Variants in SMARCA2 observed in about 807,000 individuals in gnomAD.
SMARCA2 encodes SWI/SNF-related matrix-associated actin-dependent regulator of chromatin subfamily A member 2.
SMARCA2 carries 61 observed loss-of-function variants against 199.8 expected under a neutral mutation model. The ratio of observed to expected loss-of-function variants is 0.31; its 90% CI spans 0.25 to 0.38. The LOEUF is 0.38. Among genes scored for constraint, SMARCA2 ranks in the 10% least tolerant of loss-of-function variants. The pLI is 1.00. For missense variants in SMARCA2, 1,344 were observed against 2,012.2 expected, an observed-to-expected ratio of 0.67 and a Z score of 6.35; for synonymous variants, 935 against 732.0, an observed-to-expected ratio of 1.28 and a Z score of -4.48.
intron 28 of SMARCA2, among the ~76,000 whole-genome samples, chr9:2,165,363 G>T (rs890554609): frequency 5.9e-5 from 9 of 152,168 alleles, no homozygotes; most frequent in African/African-American, 2.2e-4. Flanking sequence ...GATCATTTAT[G>T]TGTGTGTTCG....
At position 2,119,247 on chromosome 9, in the gene SMARCA2, C is replaced by G. The variant is rs10964839; in HGVS notation, c.3685-211C>G. On this transcript the variant is annotated intron_variant, in intron 25 of 33. Coordinates refer to ENST00000349721, the MANE Select transcript of SMARCA2 (RefSeq NM_003070.5). The surrounding 1 kb of genome is among the most constrained non-coding windows in gnomAD (Gnocchi z 4.6). ...GAGAACTCATATTTCTTATAGTGGA[C>G]CACAGTTTCCTCCCTGAACGGATTT... 1.3e-5 allele frequency among the ~76,000 whole-genome samples: 2 copies of G among 152,168 alleles called. No homozygotes were observed. Among genetic ancestry groups the G allele is most frequent in the Admixed American group, 1.3e-4 (2 of 15,280 alleles).
rs761763573 is a variant in SMARCA2, at chr9:2,191,429, C to G, written c.4737+21C>G. On this transcript the variant is annotated intron_variant, in intron 33 of 33. Coordinates refer to ENST00000349721, the MANE Select transcript of SMARCA2 (RefSeq NM_003070.5). ...AACGTGTAAGTGTAGCCGACTGGGA[C>G]TGAAGGCGGAGACGCCCTCTCCCCT... is the stretch of plus-strand genomic sequence containing the variant. 1.2e-5 allele frequency: 20 copies of G among 1,613,222 alleles called. No homozygotes were observed. The South Asian group carries it at 1.8e-4, about 14-fold the overall frequency.
At chr9:2,178,104 A>T (rs910723079) in intron 29 of SMARCA2, among the ~76,000 whole-genome samples, 1 of 152,124 alleles carries the variant, frequency 6.6e-6, no homozygotes, top group South Asian at 2.1e-4. Context: ...AAGGAGTTCA[A>T]ACTACCACTT....
At chr9:2,190,495 C>T (rs555884452) in intron 32 of SMARCA2, among the ~76,000 whole-genome samples, 13 of 152,092 alleles carry the variant, frequency 8.5e-5, no homozygotes, top group Non-Finnish European at 1.8e-4. Context: ...GAGTAAACAG[C>T]CAAGTGGAGA....
intron 7 of SMARCA2, among the ~76,000 whole-genome samples, chr9:2,057,320 C>T (rs923648226): frequency 1.3e-5 from 2 of 152,182 alleles, no homozygotes; most frequent in African/African-American, 4.8e-5. Context: ...TTTATAAGGG[C>T]ACTAATCCCA....
intron 15 of SMARCA2, among the ~76,000 whole-genome samples, chr9:2,082,314 T>G (rs1224213756): frequency 1.5e-5 from 2 of 130,244 alleles, no homozygotes; most frequent in Non-Finnish European, 1.6e-5. Context: ...AAGGTGTGTG[T>G]GTGTGTGTGT....
At chr9:2,070,283 A>C (rs576050353) in intron 9 of SMARCA2, 135 bp from the exon 10 acceptor site, 2 of 736,534 alleles carry the variant, frequency 2.7e-6, no homozygotes, top group South Asian at 3.0e-5. Flanking sequence ...ATGAACATAA[A>C]AGGCATTAAC....
intron 4 of SMARCA2, chr9:2,041,818 G>GAGCCAGAT (rs1819617886): frequency 6.3e-6 from 1 of 157,728 alleles, no homozygotes; most frequent in Non-Finnish European, 1.4e-5. Context: ...TCCAGCTCTT[G>GAGCCAGAT]AGAATGCAGC....
At chr9:2,089,682 G>A (rs1486638569) in intron 19 of SMARCA2, among the ~76,000 whole-genome samples, 2 of 152,164 alleles carry the variant, frequency 1.3e-5, no homozygotes, top group African/African-American at 2.4e-5. Context: ...CATCTTGGAC[G>A]TAGAATGCTA....
intron 9 of SMARCA2, among the ~76,000 whole-genome samples, chr9:2,069,942 T>TC (rs1261197578): frequency 1.3e-5 from 2 of 152,126 alleles, no homozygotes; most frequent in African/African-American, 4.8e-5. Context: ...ACTCCCTCCT[T>TC]CCCCCCCAGT....
At position 2,115,754 on chromosome 9, in the gene SMARCA2, G is replaced by A. The variant is rs1420759148; in HGVS notation, c.3457-68G>A. On this transcript the variant is annotated intron_variant, in intron 24 of 33. Transcript: ENST00000349721. This position sits in a 1 kb window ranked among gnomAD's most constrained non-coding sequence, Gnocchi z 6.0. ...GAACCCTTCCATATTTCCCTCTGGG[G>A]TGGGGTCCGGTTTTGGATGCCTATG... The A allele has an allele frequency of 4.0e-6, 5 of 1,244,326 alleles. No individual in the cohort carries two copies. Among genetic ancestry groups the A allele is most frequent in the Non-Finnish European group, 4.6e-6 (4 of 862,244 alleles). The allele number at this position is 1,244,326 out of a possible 1,614,324, so 77.1% of individuals were successfully genotyped here. A position where few individuals can be genotyped will look rare whatever the true frequency, so the allele number is the denominator to read the frequency against.
chr9:2,073,573 G>A lies in SMARCA2; in HGVS notation c.1885G>A (p.Val629Ile). ...CTCACTCTTTTTCCTTAGTTATGAA[G>A]TTGCCCCTAGATCTGACAGTGAAGA... is the stretch of plus-strand genomic sequence containing the variant. ...AWLEMNPGYE[V>I]APRSDSEESD... The change falls in exon 12 of 34, where the codon GTT becomes ATT. Residue 629 changes from valine to isoleucine, a missense_variant. Physicochemically the swap from Val to Ile is conservative, Grantham distance 29. Around this residue, in one of 18 missense-constraint regions of SMARCA2, gnomAD observed 106 missense variants for 179.7 expected, o/e 0.59. Coordinates refer to ENST00000349721, the MANE Select transcript of SMARCA2 (RefSeq NM_003070.5). 6.2e-7 allele frequency: 1 copy of A among 1,611,992 alleles called. No individual in the cohort carries two copies. The highest frequency in any genetic ancestry group is 2.2e-5 in the East Asian group (1 of 44,868).
intron 24 of SMARCA2, among the ~76,000 whole-genome samples, chr9:2,113,328 T>C (rs1257450004): frequency 2.0e-5 from 3 of 152,136 alleles, no homozygotes; most frequent in African/African-American, 4.8e-5. Flanking sequence ...CATGGGTTGG[T>C]ACTCGTGTTT....
At chr9:2,034,442 G>T (rs748545875) in intron 3 of SMARCA2, among the ~76,000 whole-genome samples, 7 of 151,976 alleles carry the variant, frequency 4.6e-5, no homozygotes, top group Non-Finnish European at 1.0e-4. Context: ...AACTATTCAC[G>T]TACCTCAAAG....
At chr9:2,100,569 G>C (rs1822466116) in intron 21 of SMARCA2, among the ~76,000 whole-genome samples, 1 of 152,046 alleles carries the variant, frequency 6.6e-6, no homozygotes, top group Non-Finnish European at 1.5e-5. Flanking sequence ...CAGGCATAGT[G>C]GCACATGCTG....
At chr9:2,178,281 C>G (rs985158589) in intron 29 of SMARCA2, among the ~76,000 whole-genome samples, 1 of 152,144 alleles carries the variant, frequency 6.6e-6, no homozygotes, top group African/African-American at 2.4e-5. Context: ...ACCCCTCCCC[C>G]ACTTACCCCA....
At chr9:2,038,794 A>T (rs759579495) in intron 3 of SMARCA2, among the ~76,000 whole-genome samples, 1 of 152,300 alleles carries the variant, frequency 6.6e-6, no homozygotes, top group East Asian at 1.9e-4. Context: ...GGAGAACCCA[A>T]CTGTGACAGT....
rs996908009 is a variant in SMARCA2, at chr9:2,160,010, C to G, written c.3982-1676C>G. 8.1e-6 allele frequency: 12 copies of G among 1,483,252 alleles called. No homozygotes were observed. In the African/African-American group the frequency reaches 1.4e-4, roughly 17 times the overall value. 91.9% of individuals were successfully genotyped at this position (1,483,252 alleles called of 1,614,324 possible). A position where few individuals can be genotyped will look rare whatever the true frequency, so the allele number is the denominator to read the frequency against. ...TCAAAAGCCGGTGTTCTCCGTATTT[C>G]TGTGTGCAACTGGGTGCTTGAGGAG... On this transcript the variant is annotated intron_variant, in intron 27 of 33. Transcript: ENST00000349721.
intron 10 of SMARCA2, chr9:2,072,029 C>A (rs917907998): frequency 6.6e-6 from 1 of 152,092 alleles, no homozygotes; most frequent in Admixed American, 6.5e-5. Flanking sequence ...CTTGTGCTGA[C>A]AGTGCTTTGT....
Sources: gnomAD v4.1 joint callset for allele counts (sites outside exome capture counted in the v4.1 genomes callset) on GRCh38, gnomAD v4.1.1 for gene constraint, gnomAD v4.1.1 regional missense constraint, Gnocchi (gnomAD v3.1) non-coding constraint, MANE v1.5 for transcripts, NCBI Gene and HGNC (gene_info 2026-07-23, HGNC 2026-07-21) for gene names.